NKIRAS1: variants seen among roughly 807,000 people sequenced by gnomAD.
The protein encoded by NKIRAS1 is NF-kappa-B inhibitor-interacting Ras-like protein 1.
Under a neutral mutation model 19.8 loss-of-function variants are expected in NKIRAS1, and 16 were observed. The ratio of observed to expected loss-of-function variants is 0.81; its 90% CI spans 0.55 to 1.23. NKIRAS1 has a LOEUF of 1.23. NKIRAS1 is among the 50% of genes most tolerant of loss of function. The pLI is 0.00. For missense variants in NKIRAS1, 184 were observed against 220.0 expected, an observed-to-expected ratio of 0.84 and a Z score of 1.04; for synonymous variants, 88 against 79.0, an observed-to-expected ratio of 1.11 and a Z score of -0.61.
At position 23,916,938 on chromosome 3, in the gene NKIRAS1, G is replaced by C. The variant is rs1251018014; in HGVS notation, c.-294C>G. On this transcript the variant is annotated 5_prime_UTR_variant, in exon 1 of 5. Coordinates refer to ENST00000425478, the MANE Select transcript of NKIRAS1 (RefSeq NM_020345.4). ...CTCGCCGCCAACTCTCTCACCTCTC[G>C]AGACGCCCAGGCCGCTCAGGCTCGA... is the stretch of plus-strand genomic sequence containing the variant. 1 of 152,660 alleles carries C rather than the reference G, an allele frequency of 6.6e-6. No individual in the cohort carries two copies. The highest frequency in any genetic ancestry group is 1.9e-4 in the East Asian group (1 of 5,190). The allele number at this position is 152,660 out of a possible 1,614,324, so 9.5% of individuals were successfully genotyped here.
rs1447127620 is a variant in NKIRAS1 at position 23,890,821 on chromosome 3, C to G, written c.*2274G>C. 1 of 427,352 alleles carries G rather than the reference C, an allele frequency of 2.3e-6. No individual in the cohort carries two copies. The highest frequency in any genetic ancestry group is 2.0e-5 in the African/African-American group (1 of 48,882). The allele number at this position is 427,352 out of a possible 1,614,324, so 26.5% of individuals were successfully genotyped here. A position where few individuals can be genotyped will look rare whatever the true frequency, so the allele number is the denominator to read the frequency against. ...GCAACTTTTAAAATTGTCATTAGTTCTGCAATATTAGCTGAAATGTAGTAC... is the reference window on the plus strand; with the variant it reads ...GCAACTTTTAAAATTGTCATTAGTTGTGCAATATTAGCTGAAATGTAGTAC... On this transcript the variant is annotated 3_prime_UTR_variant, in exon 5 of 5. Coordinates refer to ENST00000425478, the MANE Select transcript of NKIRAS1 (RefSeq NM_020345.4).
intron 3 of NKIRAS1, among the ~76,000 whole-genome samples, chr3:23,904,833 T>C (rs537903002): frequency 6.6e-6 from 1 of 152,200 alleles, no homozygotes; most frequent in Non-Finnish European, 1.5e-5. Flanking sequence ...CCAGGATACA[T>C]GTACAATAAT....
At chr3:23,914,686 C>T (rs1704125605) in intron 1 of NKIRAS1, among the ~76,000 whole-genome samples, 1 of 152,114 alleles carries the variant, frequency 6.6e-6, no homozygotes, top group Admixed American at 6.6e-5. Flanking sequence ...CATCCCTTGT[C>T]CTCAGGAATC....
At chr3:23,906,158 C>CA (rs377092022) in intron 3 of NKIRAS1, among the ~76,000 whole-genome samples, 72,239 of 98,694 alleles carry the variant, frequency 0.73, 25,722 homozygotes, top group South Asian at 0.77. Flanking sequence ...GACTCCGTCT[C>CA]AAAAAAAAAA....
At position 23,890,059 on chromosome 3, in the gene NKIRAS1, C is replaced by T. The variant is rs867778778; in HGVS notation, c.*3036G>A. ...CCTGGCAACCTGGCTCTTTAACCAG[C>T]GTAAAGGTTAATAGTGTTGCACTGC... On this transcript the variant is annotated 3_prime_UTR_variant, in exon 5 of 5. Coordinates refer to ENST00000425478, the MANE Select transcript of NKIRAS1 (RefSeq NM_020345.4). Among the ~76,000 whole-genome samples, 1 of 152,054 alleles carries T rather than the reference C, an allele frequency of 6.6e-6. No homozygotes were observed. The highest frequency in any genetic ancestry group is 2.4e-5 in the African/African-American group (1 of 41,392).
rs1361771952 is a variant in NKIRAS1, at chr3:23,926,560, G to A, written c.-139-15110C>T. Among the ~76,000 whole-genome samples the A allele has an allele frequency of 6.6e-6, 1 of 151,590 alleles. No individual in the cohort carries two copies. The highest frequency in any genetic ancestry group is 1.5e-5 in the Non-Finnish European group (1 of 67,986). ...AGTAGATGAAGATGAGGCATATGAA[G>A]TCTAGTTTTACCGTAAAAAGTTTGA... On this transcript the variant is annotated intron_variant, in intron 1 of 4. Coordinates refer to the NKIRAS1 transcript ENST00000421515. The surrounding 1 kb of genome is among the most constrained non-coding windows in gnomAD (Gnocchi z 4.3).
chr3:23,896,084 G>A (rs1348273161), intron 4 of NKIRAS1, among the ~76,000 whole-genome samples: 4 of 135,460 alleles, frequency 3.0e-5, no homozygotes, highest in African/African-American at 1.1e-4. Flanking sequence ...GCAGTGAGCC[G>A]AGATCATGCC....
intron 1 of NKIRAS1, among the ~76,000 whole-genome samples, chr3:23,943,365 T>G (rs574098387): frequency 6.6e-6 from 1 of 152,362 alleles, no homozygotes; most frequent in South Asian, 2.1e-4. Context: ...CCCGAGTAGC[T>G]GGGATTACAG....
chr3:23,907,523 A>G lies in NKIRAS1; in HGVS notation c.94+3288T>C, dbSNP rs149767518. Among the ~76,000 whole-genome samples the G allele has an allele frequency of 9.4e-3, 1,438 of 152,290 alleles. 24 individuals carry two copies. The highest frequency in any genetic ancestry group is 0.032 in the African/African-American group (1,346 of 41,562). On this transcript the variant is annotated intron_variant, in intron 3 of 4. Transcript: ENST00000425478. The stretch of plus-strand genomic sequence containing the variant: ...TCAGGGGACCCACATGGGCAAAACT[A>G]TATTCATACTACTACCAAAGCCATT...
chr3:23,945,790 CAAAG>C (rs1705661013), intron 1 of NKIRAS1, among the ~76,000 whole-genome samples: 2 of 150,488 alleles, frequency 1.3e-5, no homozygotes, highest in African/African-American at 4.9e-5. Context: ...TGTCTCCCTG[CAAAG>C]CCGCAGCGCG....
chr3:23,934,847 TAC>T (rs916764585), intron 1 of NKIRAS1, among the ~76,000 whole-genome samples: 2 of 101,988 alleles, frequency 2.0e-5, no homozygotes, highest in African/African-American at 3.2e-5. Flanking sequence ...AAAAAAAACT[TAC>T]AGAGAATATC....
chr3:23,920,352 T>C (rs1705008779), upstream of NKIRAS1: 1 of 985,406 alleles, frequency 1.0e-6, no homozygotes, highest in Non-Finnish European at 1.2e-6. Flanking sequence ...TCCACTCCCA[T>C]AGGCTACAGA....
upstream of NKIRAS1, chr3:23,919,935 A>G (rs1575122526): frequency 1.1e-5 from 11 of 989,610 alleles, no homozygotes; most frequent in Non-Finnish European, 1.3e-5. Context: ...GTTGGGCTTT[A>G]GAAAATCTGG....
chr3:23,917,157 C>G (rs34200392), upstream of NKIRAS1: 1 of 153,032 alleles, frequency 6.5e-6, no homozygotes, highest in African/African-American at 2.4e-5. Flanking sequence ...TCCTTTCCGT[C>G]TGGCGGCAGC....
chr3:23,897,738 T>C (rs1378014233), intron 4 of NKIRAS1, among the ~76,000 whole-genome samples: 1 of 152,188 alleles, frequency 6.6e-6, no homozygotes, highest in Non-Finnish European at 1.5e-5. Flanking sequence ...AAAGTCACCC[T>C]ACAGAAAATA....
intron 3 of NKIRAS1, among the ~76,000 whole-genome samples, chr3:23,903,165 G>T (rs1202765734): frequency 6.6e-6 from 1 of 152,142 alleles, no homozygotes; most frequent in Non-Finnish European, 1.5e-5. Context: ...CTGGGCTGAA[G>T]TTCAGTGGGA....
chr3:23,921,560 T>C (rs760326275), upstream of NKIRAS1: 32 of 682,858 alleles, frequency 4.7e-5, no homozygotes, highest in Non-Finnish European at 7.4e-5. Context: ...ACAGCAACAT[T>C]GATTATTGAG....
At chr3:23,901,129 G>C in intron 3 of NKIRAS1, 80 bp from the exon 4 acceptor site, 1 of 1,474,914 alleles carries the variant, frequency 6.8e-7, no homozygotes, top group Non-Finnish European at 9.2e-7. Flanking sequence ...TTAGAAATTG[G>C]CTTTCTAGGT....
intron 4 of NKIRAS1, among the ~76,000 whole-genome samples, chr3:23,898,589 G>A (rs572812641): frequency 9.2e-5 from 14 of 152,098 alleles, no homozygotes; most frequent in Admixed American, 2.0e-4. Flanking sequence ...GATTACAGGC[G>A]TGTGCTACCA....
Sources: allele counts gnomAD v4.1 joint callset (sites outside exome capture counted in the v4.1 genomes callset), GRCh38; gene constraint gnomAD v4.1.1; non-coding constraint Gnocchi (gnomAD v3.1); transcripts MANE v1.5; gene names NCBI Gene and HGNC (gene_info 2026-07-23, HGNC 2026-07-21).